PTPN21: variants seen among roughly 807,000 people sequenced by gnomAD.
PTPN21 encodes the protein tyrosine-protein phosphatase non-receptor type 21.
Under a neutral mutation model 131.8 loss-of-function variants are expected in PTPN21, and 77 were observed. The ratio of observed to expected loss-of-function variants is 0.58; its 90% CI spans 0.49 to 0.71. PTPN21 has a LOEUF of 0.71. Among genes scored for constraint, PTPN21 ranks in the 30% least tolerant of loss-of-function variants. The pLI is 0.00. For synonymous variants in PTPN21, 715 were observed against 621.3 expected (o/e 1.15, Z -2.24); for missense variants, 1,552 against 1,527.1 (o/e 1.02, Z -0.27).
intron 2 of PTPN21, among the ~76,000 whole-genome samples, chr14:88,518,387 T>TATATATATATATATATATAC: frequency 1.8e-4 from 1 of 5,700 alleles, no homozygotes; most frequent in South Asian, 5.9e-3. Context: ...TGTGTGTGTG[T>TATATATATATATATATATAC]ATATATATAT....
chr14:88,533,824 T>C (rs1158724905), intron 2 of PTPN21, among the ~76,000 whole-genome samples: 1 of 152,084 alleles, frequency 6.6e-6, no homozygotes, highest in African/African-American at 2.4e-5. Context: ...TGAGCTGTGA[T>C]TGAGCCACTG....
chr14:88,508,132 T>A, intron 3 of PTPN21, 112 bp from the exon 4 acceptor site: 2 of 525,124 alleles, frequency 3.8e-6, no homozygotes, highest in Non-Finnish European at 3.3e-6. Context: ...AAAACCTTAA[T>A]CCCACATGGT....
chr14:88,468,372 C>T (rs1323655772), intron 18 of PTPN21, 107 bp from the exon 19 acceptor site: 1 of 1,095,990 alleles, frequency 9.1e-7, no homozygotes, highest in Non-Finnish European at 1.3e-6. Context: ...GATGGACAGT[C>T]TCTTTTCCAC....
At chr14:88,472,954 A>G (rs2077493667) in intron 14 of PTPN21, among the ~76,000 whole-genome samples, 1 of 152,352 alleles carries the variant, frequency 6.6e-6, no homozygotes, top group Admixed American at 6.5e-5. Flanking sequence ...GGTGAGAAAT[A>G]TAATGCAAAC....
In PTPN21 at chr14:88,479,375, C is replaced by A. The variant is rs760812024; in HGVS notation, c.2056G>T (p.Gly686Trp). Residue 686 changes from glycine to tryptophan, a missense_variant, in exon 13 of 19, where the codon GGG becomes TGG. Physicochemically the swap from Gly to Trp is radical, Grantham distance 184. Coordinates refer to ENST00000556564, the MANE Select transcript of PTPN21 (RefSeq NM_007039.4). ...CTCAAGCCCTCCGCCTCCTCCGGCC[C>A]TTCTCGCTGTGTCCTCTCGGTGAAA... ...SVFTERTQRE[G>W]PEEAEGLRYG... 6.2e-7 allele frequency: 1 copy of A among 1,610,542 alleles called. No homozygotes were observed. Among genetic ancestry groups the A allele is most frequent in the South Asian group, 1.1e-5 (1 of 91,068 alleles).
At chr14:88,517,617 T>G (rs1311177285) in intron 2 of PTPN21, among the ~76,000 whole-genome samples, 1 of 71,470 alleles carries the variant, frequency 1.4e-5, no homozygotes, top group Non-Finnish European at 3.2e-5. Flanking sequence ...TCCTTGGTTT[T>G]TCAATTACTA....
intron 12 of PTPN21, among the ~76,000 whole-genome samples, chr14:88,484,185 C>G (rs906178737): frequency 1.4e-4 from 21 of 150,270 alleles, no homozygotes; most frequent in African/African-American, 5.2e-4. Context: ...GTAGCTGGGA[C>G]TGGAGGTGCA....
chr14:88,539,949 T>C (rs367657633), intron 2 of PTPN21, among the ~76,000 whole-genome samples: 5 of 152,212 alleles, frequency 3.3e-5, no homozygotes, highest in East Asian at 1.9e-4. Context: ...GAATCAAGTA[T>C]GCAAGTGTCT....
At position 88,480,317 on chromosome 14, in the gene PTPN21, A is replaced by T. The variant is rs1384969253; in HGVS notation, c.1114T>A (p.Cys372Ser). The T allele has an allele frequency of 3.7e-6, 6 of 1,614,078 alleles. No homozygotes were observed. The East Asian group carries it at 1.3e-4, about 36-fold the overall frequency. The change falls in exon 13 of 19, where the codon TGT becomes AGT. Residue 372 changes from cysteine to serine, a missense_variant. This residue lies in a region of PTPN21 where 1,016 missense variants were observed against 883.5 expected (regional missense o/e 1.15). Coordinates refer to ENST00000556564, the MANE Select transcript of PTPN21 (RefSeq NM_007039.4). ...LFVPNQNGYY[C>S]HSQTSLDRAQ... is the part of the protein sequence containing the mutation. The stretch of plus-strand genomic sequence containing the variant: ...CTATCCAAGCTTGTCTGAGAGTGAC[A>T]GTAGTATCCGTTCTGGTTGGGCACA...
chr14:88,554,907 A>C lies in PTPN21; in HGVS notation c.-459T>G, dbSNP rs1234808439. 7.9e-5 allele frequency among the ~76,000 whole-genome samples: 12 copies of C among 151,582 alleles called. No individual in the cohort carries two copies. The highest frequency in any genetic ancestry group is 9.7e-5 in the African/African-American group (4 of 41,386). On this transcript the variant is annotated 5_prime_UTR_variant, in exon 1 of 19. Transcript: ENST00000556564. ...GACCGGCCGGCGAGGAGCGCCGCAC[A>C]AAGAAGCCCCGTGGGGGCGGGGGGT...
At position 88,545,843 on chromosome 14, in the gene PTPN21, C is replaced by G. The variant is rs545736796; in HGVS notation, c.180+4395G>C. Among the ~76,000 whole-genome samples, 189 of 151,714 alleles carry G rather than the reference C, an allele frequency of 1.2e-3. 1 individual carries two copies. The highest frequency in any genetic ancestry group is 4.4e-3 in the African/African-American group (184 of 41,380). ...GGCGTGGTGGCATGCGCCTATAGTC[C>G]CAGTTACTTGGGAGGCTGAGACAGA... On this transcript the variant is annotated intron_variant, in intron 2 of 18. Coordinates refer to ENST00000556564, the MANE Select transcript of PTPN21 (RefSeq NM_007039.4).
At chr14:88,528,342 T>C (rs2078510367) in intron 2 of PTPN21, among the ~76,000 whole-genome samples, 1 of 152,234 alleles carries the variant, frequency 6.6e-6, no homozygotes, top group Non-Finnish European at 1.5e-5. Flanking sequence ...GTTTTGTAGT[T>C]TTCCTTGCAG....
intron 10 of PTPN21, among the ~76,000 whole-genome samples, chr14:88,488,905 AC>A (rs2077777381): frequency 6.6e-6 from 1 of 152,246 alleles, no homozygotes; most frequent in Admixed American, 6.5e-5. Flanking sequence ...TAAGGACTGT[AC>A]ATGATTATCT....
rs1012194395 is a variant in PTPN21, at chr14:88,479,538, C to T, written c.1893G>A (p.Gln631=). The change falls in exon 13 of 19, where the codon CAG becomes CAA. Residue 631 remains glutamine, a synonymous_variant. Coordinates refer to ENST00000556564, the MANE Select transcript of PTPN21 (RefSeq NM_007039.4). ...SEPLTAARHA[Q]LHKRNSIEVA... is the part of the protein sequence containing the mutation. ...CCTCGATGCTGTTCCGTTTGTGCAG[C>T]TGCGCGTGGCGCGCGGCGGTGAGGG... 11 of 1,599,960 alleles carry T rather than the reference C, an allele frequency of 6.9e-6. No individual in the cohort carries two copies. The highest frequency in any genetic ancestry group is 1.7e-5 in the Admixed American group (1 of 59,944).
intron 13 of PTPN21, among the ~76,000 whole-genome samples, chr14:88,478,173 G>A (rs1357621354): frequency 6.6e-6 from 1 of 152,172 alleles, no homozygotes; most frequent in Non-Finnish European, 1.5e-5. Context: ...AATGCTCCAA[G>A]GATGGTAGCT....
chr14:88,493,539 G>T (rs952578745), intron 10 of PTPN21, among the ~76,000 whole-genome samples: 1 of 152,182 alleles, frequency 6.6e-6, no homozygotes, highest in African/African-American at 2.4e-5. Flanking sequence ...TACCCAGGAC[G>T]GGGCGGGTGA....
rs975049924 is a variant in PTPN21, at chr14:88,479,811, C to T, written c.1620G>A (p.Pro540=). 5 of 1,547,890 alleles carry T rather than the reference C, an allele frequency of 3.2e-6. No homozygotes were observed. Among genetic ancestry groups the T allele is most frequent in the South Asian group, 1.2e-5 (1 of 81,464 alleles). ...CCTGCAGCTGCGCATTGGTCAGCTC[C>T]GGCACGCTGACCGCGCCCACCACGG... ...RRPVVGAVSV[P]ELTNAQLQAQ... Residue 540 remains proline (P), a synonymous_variant, in exon 13 of 19, where the codon CCG becomes CCA. Transcript: ENST00000556564.
chr14:88,475,334 T>C (rs537039340), intron 13 of PTPN21, among the ~76,000 whole-genome samples: 1 of 152,318 alleles, frequency 6.6e-6, no homozygotes, highest in African/African-American at 2.4e-5. Context: ...AATTGGAGAC[T>C]GTGATTGGTA....
chr14:88,467,976 G>A lies in PTPN21; in HGVS notation c.*161C>T, dbSNP rs541320818. 1.6e-5 allele frequency: 15 copies of A among 940,668 alleles called. No homozygotes were observed. The highest frequency in any genetic ancestry group is 9.0e-5 in the Admixed American group (4 of 44,446). The allele number at this position is 940,668 out of a possible 1,614,324, so 58.3% of individuals were successfully genotyped here. A position where few individuals can be genotyped will look rare whatever the true frequency, so the allele number is the denominator to read the frequency against. On this transcript the variant is annotated 3_prime_UTR_variant, in exon 19 of 19. Coordinates refer to ENST00000556564, the MANE Select transcript of PTPN21 (RefSeq NM_007039.4). ...GAAACCCCTCTTCAGCCTGTGCTTC[G>A]CACGTTTCCTTCAGCGTGCCGCCAT...
Sources: gnomAD v4.1 joint callset for allele counts (sites outside exome capture counted in the v4.1 genomes callset) on GRCh38, gnomAD v4.1.1 for gene constraint, gnomAD v4.1.1 regional missense constraint, MANE v1.5 for transcripts, NCBI Gene and HGNC (gene_info 2026-07-23, HGNC 2026-07-21) for gene names.